The following AGO3 variants were observed in gnomAD, a reference collection of about 807,000 sequenced individuals.
The protein encoded by AGO3 is protein argonaute-3.
AGO3 carries 16 observed loss-of-function variants against 105.5 expected under a neutral mutation model. The ratio of observed to expected loss-of-function variants is 0.15; its 90% confidence interval spans 0.10 to 0.23. AGO3 has a LOEUF of 0.23. AGO3 is among the 10% of genes least tolerant of loss of function. The pLI is 1.00. For synonymous variants in AGO3, 340 were observed against 367.3 expected (o/e 0.93, Z 0.85); for missense variants, 534 against 1,088.0 (o/e 0.49, Z 7.16).
At chr1:36,028,391 TC>T (rs771926822) in intron 12 of AGO3, among the ~76,000 whole-genome samples, 7,362 of 57,154 alleles carry the variant, frequency 0.13, 269 homozygotes, top group South Asian at 0.28. Flanking sequence ...ATGCTATCCC[TC>T]CCCCCCCCCC....
intron 5 of AGO3, among the ~76,000 whole-genome samples, chr1:35,977,251 T>A (rs544220208): frequency 1.1e-4 from 16 of 148,722 alleles, no homozygotes; most frequent in African/African-American, 3.2e-4. Flanking sequence ...CCCATAAAAA[T>A]TTTTTTTTAA....
intron 3 of AGO3, among the ~76,000 whole-genome samples, chr1:35,968,131 G>T (rs896254637): frequency 6.6e-6 from 1 of 152,062 alleles, no homozygotes; most frequent in Non-Finnish European, 1.5e-5. Context: ...GTATGTATTT[G>T]TTCCATTATT....
chr1:36,024,619 A>G (rs1222108899), intron 11 of AGO3, among the ~76,000 whole-genome samples: 1 of 152,220 alleles, frequency 6.6e-6, no homozygotes, highest in African/African-American at 2.4e-5. Flanking sequence ...ATTTGTGACG[A>G]AAGCTACTCT....
chr1:36,003,709 A>AAAAATATATAT (rs1295618675), intron 5 of AGO3, among the ~76,000 whole-genome samples: 4 of 99,436 alleles, frequency 4.0e-5, no homozygotes, highest in East Asian at 2.9e-4. Flanking sequence ...AAAAAAAAAA[A>AAAAATATATAT]ATATATATAT....
upstream of AGO3, chr1:35,930,914 C>T (rs1646028102): frequency 7.5e-6 from 2 of 267,370 alleles, no homozygotes; most frequent in African/African-American, 2.3e-5. Flanking sequence ...CCGGCCGGCA[C>T]GGCCCGGCGG....
At chr1:35,971,954 T>A (rs1646878258) in intron 3 of AGO3, 70 bp from the exon 4 acceptor site, 1 of 1,381,046 alleles carries the variant, frequency 7.2e-7, no homozygotes, top group Non-Finnish European at 1.0e-6. Context: ...GATATTTTTA[T>A]AAGTTAAATC....
Position 36,027,267 on chromosome 1 carries a change from C to T in AGO3, c.1560C>T (p.Ile520=), listed in dbSNP as rs756642991. The change falls in exon 12 of 19, where the codon ATC becomes ATT. Residue 520 remains isoleucine, a synonymous_variant. Transcript: ENST00000373191. This position sits in a 1 kb window ranked among gnomAD's most constrained non-coding sequence, Gnocchi z 4.0. ...KNTYSGLQLI[I]VILPGKTPVY... is the part of the protein sequence containing the mutation. ...CATATTCTGGCCTACAGCTTATTAT[C>T]GTCATCCTGCCGGGGAAGACACCAG... 8.7e-6 allele frequency: 14 copies of T among 1,613,516 alleles called. 1 individual carries two copies. The East Asian group carries it at 1.1e-4, about 13-fold the overall frequency.
chr1:36,019,778 G>A (rs1641118618), intron 11 of AGO3, among the ~76,000 whole-genome samples: 1 of 152,102 alleles, frequency 6.6e-6, no homozygotes, highest in African/African-American at 2.4e-5. Flanking sequence ...TTGTTTGTTT[G>A]TTTGTTTTGA....
Position 35,966,964 on chromosome 1 carries a change from T to A in AGO3, c.201T>A (p.Val67=). The change falls in exon 3 of 19, where the codon GTT becomes GTA. Residue 67 remains valine, a synonymous_variant. Coordinates refer to ENST00000373191, the MANE Select transcript of AGO3 (RefSeq NM_024852.4). ...TGTTTCCCTTCTTTAGGGAGGTGGT[T>A]GACTCAATGGTTCAGCATTTTAAAG... The part of the protein sequence containing the change: ...KCPRRVNREV[V]DSMVQHFKVT... The A allele has an allele frequency of 6.2e-7, 1 of 1,609,278 alleles. No individual in the cohort carries two copies. The highest frequency in any genetic ancestry group is 1.1e-5 in the South Asian group (1 of 89,860).
rs1278460909 is a variant in AGO3, at chr1:36,008,143, A to G, written c.794-547A>G. 6.6e-6 allele frequency among the ~76,000 whole-genome samples: 1 copy of G among 152,190 alleles called. No individual in the cohort carries two copies. The highest frequency in any genetic ancestry group is 2.4e-5 in the African/African-American group (1 of 41,450). On this transcript the variant is annotated intron_variant, in intron 6 of 18. Transcript: ENST00000373191. The surrounding 1 kb of genome is among the most constrained non-coding windows in gnomAD (Gnocchi z 5.1). ...TGGAAAAGAGCTGTGTCACTATATTATACCTCTATAAAAGTGTCACTTTGC... is the reference window on the plus strand; with the variant it reads ...TGGAAAAGAGCTGTGTCACTATATTGTACCTCTATAAAAGTGTCACTTTGC...
At chr1:35,988,928 T>C (rs1438431814) in intron 5 of AGO3, among the ~76,000 whole-genome samples, 1 of 152,226 alleles carries the variant, frequency 6.6e-6, no homozygotes, top group East Asian at 1.9e-4. Context: ...ATGAGAAATA[T>C]TGCACTGACC....
intron 1 of AGO3, among the ~76,000 whole-genome samples, chr1:35,931,648 G>A (rs142032422): frequency 1.3e-5 from 2 of 152,366 alleles, no homozygotes; most frequent in Non-Finnish European, 2.9e-5. Context: ...GCGAAACTGC[G>A]AGGCGGGGAA....
intron 5 of AGO3, among the ~76,000 whole-genome samples, chr1:35,973,796 A>T (rs1646909698): frequency 6.6e-6 from 1 of 152,026 alleles, no homozygotes; most frequent in Non-Finnish European, 1.5e-5. Flanking sequence ...TGCCCTTTTA[A>T]CTCTAAGCCA....
intron 11 of AGO3, among the ~76,000 whole-genome samples, chr1:36,019,910 A>G (rs1210530516): frequency 6.6e-6 from 1 of 152,152 alleles, no homozygotes; most frequent in Non-Finnish European, 1.5e-5. Context: ...CTGGGATTGC[A>G]AGTACCTGCC....
intron 2 of AGO3, among the ~76,000 whole-genome samples, chr1:35,957,797 A>G (rs1043206092): frequency 6.6e-6 from 1 of 152,090 alleles, no homozygotes; most frequent in Non-Finnish European, 1.5e-5. Flanking sequence ...GCAGTGGCAC[A>G]TGTGAGGCCT....
At chr1:35,952,989 T>G (rs578027517) in intron 2 of AGO3, among the ~76,000 whole-genome samples, 1 of 152,366 alleles carries the variant, frequency 6.6e-6, no homozygotes, top group East Asian at 1.9e-4. Context: ...CATTTTTGAC[T>G]ACTACAAATA....
intron 5 of AGO3, among the ~76,000 whole-genome samples, chr1:35,984,894 C>T (rs895145140): frequency 5.3e-5 from 8 of 152,090 alleles, no homozygotes; most frequent in African/African-American, 9.7e-5. Context: ...CAGGAATAAA[C>T]GATTTCTGAG....
At chr1:36,038,457 G>A (rs1390735479) in intron 14 of AGO3, among the ~76,000 whole-genome samples, 1 of 151,934 alleles carries the variant, frequency 6.6e-6, no homozygotes, top group Non-Finnish European at 1.5e-5. Context: ...GGGTTTCACT[G>A]TGTTAGCCAG....
rs1015765016 is a variant in AGO3, at chr1:36,064,135, T to A, written c.*8390T>A. 11 of 152,332 alleles carry A rather than the reference T, an allele frequency of 7.2e-5. No individual in the cohort carries two copies. The highest frequency in any genetic ancestry group is 1.0e-4 in the Non-Finnish European group (7 of 68,138). The allele number at this position is 152,332 out of a possible 1,614,324, so 9.4% of individuals were successfully genotyped here. ...TGGCTAACGCCTGTAATCCCAGCAA[T>A]TTGGGAGGCCGAGGCAGGCAGACCA... On this transcript the variant is annotated 3_prime_UTR_variant, in exon 19 of 19. Coordinates refer to ENST00000373191, the MANE Select transcript of AGO3 (RefSeq NM_024852.4).
Sources: allele counts gnomAD v4.1 joint callset (sites outside exome capture counted in the v4.1 genomes callset), GRCh38; gene constraint gnomAD v4.1.1; non-coding constraint Gnocchi (gnomAD v3.1); transcripts MANE v1.5; gene names NCBI Gene and HGNC (gene_info 2026-07-23, HGNC 2026-07-21).